RANBP17: variants seen among roughly 807,000 people sequenced by gnomAD.
RANBP17 encodes the protein RAN binding protein 17.
Under a neutral mutation model 141.2 loss-of-function variants are expected in RANBP17, and 158 were observed. The ratio of observed to expected loss-of-function variants is 1.12; its 90% CI spans 0.98 to 1.28. RANBP17 has a LOEUF of 1.28. Ranked by LOEUF, RANBP17 falls within the 50% of genes most tolerant of loss-of-function variation. RANBP17 has a pLI of 0.00. For synonymous variants in RANBP17, 430 were observed against 450.0 expected (o/e 0.96, Z 0.56); for missense variants, 1,438 against 1,290.7 (o/e 1.11, Z -1.75).
At chr5:171,257,537 A>G (rs555502682) in intron 24 of RANBP17, among the ~76,000 whole-genome samples, 1 of 152,328 alleles carries the variant, frequency 6.6e-6, no homozygotes, top group South Asian at 2.1e-4. Context: ...CTTATTCTAC[A>G]CAGTACGAAA....
intron 14 of RANBP17, among the ~76,000 whole-genome samples, chr5:171,064,582 C>G (rs185098344): frequency 6.6e-6 from 1 of 152,190 alleles, no homozygotes; most frequent in Non-Finnish European, 1.5e-5. Context: ...CTGCAACCTT[C>G]TCCTTCCAGG....
At chr5:170,991,599 A>G (rs1223189736) in intron 14 of RANBP17, among the ~76,000 whole-genome samples, 2 of 151,976 alleles carry the variant, frequency 1.3e-5, no homozygotes, top group Non-Finnish European at 2.9e-5. Context: ...TTCATCAGAT[A>G]GATCTCCAGC....
rs376410553 is a variant in RANBP17, at chr5:170,881,912, T to C, written c.256+16T>C. ...ATGGACATCAGTAAGTGGCTTATTA[T>C]GCTTTTTAACCAACTGCGCTTTAAA... On this transcript the variant is annotated intron_variant, in intron 3 of 27. Transcript: ENST00000523189. 1.4e-4 allele frequency: 222 copies of C among 1,547,548 alleles called. No individual in the cohort carries two copies. The highest frequency in any genetic ancestry group is 1.7e-4 in the Non-Finnish European group (189 of 1,136,318).
chr5:171,035,283 A>G (rs2127623985), intron 14 of RANBP17, among the ~76,000 whole-genome samples: 1 of 152,314 alleles, frequency 6.6e-6, no homozygotes, highest in South Asian at 2.1e-4. Flanking sequence ...CAGAACAGCA[A>G]GACTGCTATG....
chr5:171,211,628 G>GTTTTT (rs1226824979), intron 20 of RANBP17, among the ~76,000 whole-genome samples: 5 of 126,138 alleles, frequency 4.0e-5, no homozygotes, highest in Non-Finnish European at 8.5e-5. Context: ...TGAGGGCAGG[G>GTTTTT]TTTTTTTTTT....
intron 11 of RANBP17, among the ~76,000 whole-genome samples, chr5:170,920,595 G>A (rs1772367515): frequency 6.6e-6 from 1 of 150,870 alleles, no homozygotes; most frequent in Admixed American, 6.6e-5. Context: ...AATATTTTCT[G>A]TGTTGTTTGC....
At chr5:171,247,566 A>G (rs1043834037) in intron 24 of RANBP17, among the ~76,000 whole-genome samples, 2 of 152,214 alleles carry the variant, frequency 1.3e-5, no homozygotes, top group Admixed American at 6.5e-5. Flanking sequence ...AAATGATACA[A>G]AAAATTTTAG....
chr5:171,174,491 T>C lies in RANBP17; in HGVS notation c.1865+3205T>C, dbSNP rs568105482. On this transcript the variant is annotated intron_variant, in intron 16 of 27. Transcript: ENST00000523189. ...CAGAGCAATCAAGTAAACTTACTTA[T>C]TTTAAATGCTGAAAACGGAGAAGAG... 5.3e-5 allele frequency among the ~76,000 whole-genome samples: 8 copies of C among 152,326 alleles called. No individual in the cohort carries two copies. In the East Asian group the frequency reaches 9.6e-4, roughly 18 times the overall value.
chr5:171,161,281 C>T (rs544414344), intron 14 of RANBP17: 1 of 176,348 alleles, frequency 5.7e-6, no homozygotes, highest in Admixed American at 6.3e-5. Flanking sequence ...ATCAAAGTCC[C>T]AAGAATATCA....
intron 14 of RANBP17, among the ~76,000 whole-genome samples, chr5:171,165,482 G>A (rs1043330474): frequency 5.3e-5 from 8 of 152,062 alleles, no homozygotes; most frequent in South Asian, 2.1e-4. Context: ...CCAGCCTAAA[G>A]TAGGTATTAT....
At chr5:170,912,332 A>C (rs1771596496) in intron 7 of RANBP17, among the ~76,000 whole-genome samples, 1 of 151,982 alleles carries the variant, frequency 6.6e-6, no homozygotes, top group Non-Finnish European at 1.5e-5. Context: ...GAGATATTAT[A>C]CTGTAGTTTT....
chr5:171,197,985 G>C (rs1762075138), intron 18 of RANBP17, among the ~76,000 whole-genome samples: 1 of 152,190 alleles, frequency 6.6e-6, no homozygotes, highest in Admixed American at 6.5e-5. Context: ...CTTGCAGTGA[G>C]CCAAGATCGT....
intron 14 of RANBP17, among the ~76,000 whole-genome samples, chr5:171,025,527 T>C (rs1781173871): frequency 6.6e-6 from 1 of 151,934 alleles, no homozygotes; most frequent in African/African-American, 2.4e-5. Flanking sequence ...TCACCCTCAC[T>C]CCCTCCTCTT....
chr5:171,132,160 A>G (rs975847492), intron 14 of RANBP17, among the ~76,000 whole-genome samples: 2 of 152,132 alleles, frequency 1.3e-5, no homozygotes, highest in African/African-American at 4.8e-5. Flanking sequence ...TAAAGTTTTT[A>G]TAAAGGGAAA....
chr5:171,292,801 A>G (rs1483285341), intron 25 of RANBP17, among the ~76,000 whole-genome samples: 1 of 152,114 alleles, frequency 6.6e-6, no homozygotes, highest in African/African-American at 2.4e-5. Flanking sequence ...CTTTAGTTTC[A>G]CCTGCACAGT....
chr5:171,062,266 A>T (rs1190826273), intron 14 of RANBP17, among the ~76,000 whole-genome samples: 2 of 152,166 alleles, frequency 1.3e-5, no homozygotes, highest in Admixed American at 1.3e-4. Flanking sequence ...GATGGTCTTT[A>T]CAATTTGGCA....
chr5:171,078,246 TCTCA>T (rs1459672800), intron 14 of RANBP17, among the ~76,000 whole-genome samples: 8 of 151,222 alleles, frequency 5.3e-5, no homozygotes, highest in Middle Eastern at 3.4e-3. Flanking sequence ...GATTTTCGAG[TCTCA>T]CTCAGCCTCC....
chr5:171,100,214 G>A (rs1466223666), intron 14 of RANBP17, among the ~76,000 whole-genome samples: 1 of 152,110 alleles, frequency 6.6e-6, no homozygotes, highest in Non-Finnish European at 1.5e-5. Flanking sequence ...GTAGAATTTG[G>A]CTGTGAATTT....
chr5:171,107,245 C>T (rs1472314577), intron 14 of RANBP17, among the ~76,000 whole-genome samples: 1 of 152,190 alleles, frequency 6.6e-6, no homozygotes, highest in African/African-American at 2.4e-5. Flanking sequence ...CATTTTATTA[C>T]ACTGCTCTTC....
Sources: gnomAD v4.1 joint callset for allele counts (sites outside exome capture counted in the v4.1 genomes callset) on GRCh38, gnomAD v4.1.1 for gene constraint, MANE v1.5 for transcripts, NCBI Gene and HGNC (gene_info 2026-07-23, HGNC 2026-07-21) for gene names.